PRKRIP1: variants seen among roughly 807,000 people sequenced by gnomAD.
PRKRIP1 encodes PRKR-interacting protein 1.
PRKRIP1 carries 29 observed loss-of-function variants against 29.3 expected under a neutral mutation model. That is an observed-to-expected ratio of 0.99 (90% confidence interval 0.74 to 1.35). The LOEUF is 1.35. Ranked by LOEUF, PRKRIP1 falls within the 40% of genes most tolerant of loss-of-function variation. The pLI is 0.00. For synonymous variants in PRKRIP1, 90 were observed against 85.1 expected (o/e 1.06, Z -0.32); for missense variants, 247 against 236.8 (o/e 1.04, Z -0.28).
chr7:102,411,220 C>A (rs1796373242), intron 5 of PRKRIP1, among the ~76,000 whole-genome samples: 1 of 152,122 alleles, frequency 6.6e-6, no homozygotes, highest in Non-Finnish European at 1.5e-5. Flanking sequence ...TGTGCCACCA[C>A]CCTCAGGTAA....
intron 5 of PRKRIP1, among the ~76,000 whole-genome samples, chr7:102,424,693 G>A (rs10278274): frequency 0.074 from 11,262 of 152,250 alleles, 457 homozygotes; most frequent in African/African-American, 0.093. Flanking sequence ...GAGCTGGGTC[G>A]GGAAGTTGCC....
intron 3 of PRKRIP1, among the ~76,000 whole-genome samples, chr7:102,400,601 C>G (rs1282757368): frequency 2.0e-5 from 3 of 152,096 alleles, no homozygotes; most frequent in African/African-American, 4.8e-5. Context: ...AAACTGTACA[C>G]TCGAGATCTG....
intron 5 of PRKRIP1, among the ~76,000 whole-genome samples, chr7:102,413,325 T>A (rs2133190670): frequency 6.6e-6 from 1 of 152,338 alleles, no homozygotes; most frequent in East Asian, 1.9e-4. Context: ...CAGCATGTGT[T>A]TGGATCAAAC....
At chr7:102,413,418 T>C (rs1179057706) in intron 5 of PRKRIP1, among the ~76,000 whole-genome samples, 9 of 152,188 alleles carry the variant, frequency 5.9e-5, no homozygotes, top group African/African-American at 2.2e-4. Flanking sequence ...AAAGAGATAC[T>C]CTATGATCAT....
intron 2 of PRKRIP1, among the ~76,000 whole-genome samples, chr7:102,398,927 G>T (rs1389916557): frequency 2.0e-5 from 3 of 152,126 alleles, no homozygotes; most frequent in Non-Finnish European, 4.4e-5. Context: ...TTTGAGACCA[G>T]CCTGGGCAAC....
At position 102,405,227 on chromosome 7, in the gene PRKRIP1, G is replaced by A. The variant is rs1202622718; in HGVS notation, c.392+544G>A. 4.6e-5 allele frequency among the ~76,000 whole-genome samples: 7 copies of A among 152,066 alleles called. No homozygotes were observed. The East Asian group carries it at 1.2e-3, about 25-fold the overall frequency. On this transcript the variant is annotated intron_variant, in intron 4 of 5. Transcript: ENST00000397912. Reference sequence around the variant, plus strand: ...CAGGCATGAGCCACCACACACGGCCGCATCTGTATTTTAACAAGGTGCTGC... The same window carrying A: ...CAGGCATGAGCCACCACACACGGCCACATCTGTATTTTAACAAGGTGCTGC...
chr7:102,404,423 T>TA (rs2133172747), intron 3 of PRKRIP1, 175 bp from the exon 4 acceptor site: 1 of 632,982 alleles, frequency 1.6e-6, no homozygotes, highest in South Asian at 1.9e-5. Context: ...ATGTATTGAT[T>TA]ACCTGCCCTG....
intron 4 of PRKRIP1, 41 bp from the exon 5 acceptor site, chr7:102,407,393 A>G: frequency 7.8e-7 from 1 of 1,275,546 alleles, no homozygotes; most frequent in Non-Finnish European, 1.1e-6. Context: ...ATATACCATA[A>G]TGTAGTTAAG....
intron 5 of PRKRIP1, among the ~76,000 whole-genome samples, chr7:102,421,937 C>G (rs1307953202): frequency 6.6e-6 from 1 of 151,372 alleles, no homozygotes; most frequent in Non-Finnish European, 1.5e-5. Flanking sequence ...TCTGAACATG[C>G]TATTTTCCAC....
intron 5 of PRKRIP1, among the ~76,000 whole-genome samples, chr7:102,408,857 A>G (rs1178078353): frequency 6.6e-6 from 1 of 152,114 alleles, no homozygotes; most frequent in African/African-American, 2.4e-5. Flanking sequence ...AGCCTGGGCA[A>G]CAAAAGCAAA....
At chr7:102,397,067 A>G (rs1333703885) in intron 1 of PRKRIP1, among the ~76,000 whole-genome samples, 1 of 151,892 alleles carries the variant, frequency 6.6e-6, no homozygotes, top group Non-Finnish European at 1.5e-5. Context: ...GCTGGAAACT[A>G]TGGCTTAGGT....
At chr7:102,407,227 AAAAG>A (rs1176264077) in intron 4 of PRKRIP1, among the ~76,000 whole-genome samples, 1 of 152,182 alleles carries the variant, frequency 6.6e-6, no homozygotes, top group African/African-American at 2.4e-5. Flanking sequence ...AAAAAAAAAA[AAAAG>A]AAGATATTCC....
chr7:102,404,531 C>T, intron 3 of PRKRIP1, 67 bp from the exon 4 acceptor site: 1 of 1,359,426 alleles, frequency 7.4e-7, no homozygotes, highest in Non-Finnish European at 1.0e-6. Flanking sequence ...TCCTACTTTG[C>T]CTGAGCAAAA....
rs1209150152 is a variant in PRKRIP1 at position 102,401,550 on chromosome 7, A to G, written c.306+1902A>G. Reference sequence around the variant, plus strand: ...GGATTTCAAGACCAGCCTGGCCAACATGGTGAGACCCCATCTCTACTAAAA... The same window carrying G: ...GGATTTCAAGACCAGCCTGGCCAACGTGGTGAGACCCCATCTCTACTAAAA... On this transcript the variant is annotated intron_variant, in intron 3 of 5. Coordinates refer to ENST00000397912, the MANE Select transcript of PRKRIP1 (RefSeq NM_024653.4). Among the ~76,000 whole-genome samples, 8 of 152,172 alleles carry G rather than the reference A, an allele frequency of 5.3e-5. No individual in the cohort carries two copies. In the South Asian group the frequency reaches 6.2e-4, roughly 12 times the overall value.
chr7:102,419,282 C>T (rs530515061), intron 5 of PRKRIP1, among the ~76,000 whole-genome samples: 11 of 152,064 alleles, frequency 7.2e-5, no homozygotes, highest in African/African-American at 1.7e-4. Context: ...GGCACTGTGG[C>T]GGGCACCTGT....
intron 5 of PRKRIP1, among the ~76,000 whole-genome samples, chr7:102,414,806 C>G (rs553190349): frequency 4.4e-4 from 67 of 152,056 alleles, no homozygotes; most frequent in Admixed American, 8.5e-4. Context: ...GATCACCTGA[C>G]CTTGGGGAAG....
intron 3 of PRKRIP1, among the ~76,000 whole-genome samples, chr7:102,400,839 T>G (rs1327781618): frequency 6.6e-6 from 1 of 152,150 alleles, no homozygotes; most frequent in African/African-American, 2.4e-5. Context: ...TTTCAGTATG[T>G]TGGCCAGGCT....
At chr7:102,411,755 C>G (rs1442871970) in intron 5 of PRKRIP1, among the ~76,000 whole-genome samples, 2 of 151,144 alleles carry the variant, frequency 1.3e-5, no homozygotes, top group Non-Finnish European at 2.9e-5. Context: ...TAACGCCCAC[C>G]AGTGCAAAAA....
chr7:102,415,184 G>T lies in PRKRIP1; in HGVS notation c.457+7686G>T, dbSNP rs1796500049. Among the ~76,000 whole-genome samples, 7 of 152,146 alleles carry T rather than the reference G, an allele frequency of 4.6e-5. No homozygotes were observed. In the South Asian group the frequency reaches 1.4e-3, roughly 31 times the overall value. On this transcript the variant is annotated intron_variant, in intron 5 of 5. Coordinates refer to ENST00000397912, the MANE Select transcript of PRKRIP1 (RefSeq NM_024653.4). ...AGTGCAGACCTGCAAGACTGTGGAG[G>T]CAGTCCCACTCTCTTGCCATTCCAC...
Sources: gnomAD v4.1 joint callset for allele counts (sites outside exome capture counted in the v4.1 genomes callset) on GRCh38, gnomAD v4.1.1 for gene constraint, MANE v1.5 for transcripts, NCBI Gene and HGNC (gene_info 2026-07-23, HGNC 2026-07-21) for gene names.